The following AZGP1 variants were observed in gnomAD, a reference collection of about 807,000 sequenced individuals.
The protein encoded by AZGP1 is alpha-2-glycoprotein 1, zinc-binding, also known as zinc-alpha-2-glycoprotein.
AZGP1 carries 28 observed loss-of-function variants against 31.5 expected under a neutral mutation model. The observed-to-expected ratio is 0.89, with a 90% CI of 0.66 to 1.22. The LOEUF is 1.22. Among genes scored for constraint, AZGP1 ranks in the 50% most tolerant of loss-of-function variants. The pLI is 0.00. For synonymous variants in AZGP1, 135 were observed against 145.4 expected (o/e 0.93, Z 0.51); for missense variants, 361 against 371.8 (o/e 0.97, Z 0.24).
chr7:99,968,479 T>G (rs1212161310), intron 2 of AZGP1, 49 bp from the exon 3 acceptor site: 6 of 1,589,216 alleles, frequency 3.8e-6, no homozygotes, highest in Non-Finnish European at 5.1e-6. Context: ...TGGTGAGAAA[T>G]TTATCAAAAT....
intron 2 of AZGP1, among the ~76,000 whole-genome samples, chr7:99,968,933 A>G (rs1789537124): frequency 8.2e-6 from 1 of 121,280 alleles, no homozygotes; most frequent in African/African-American, 3.2e-5. Context: ...ACTGCATTTC[A>G]GCCTGGGTGA....
chr7:99,970,809 T>C (rs1247722209), intron 2 of AZGP1, among the ~76,000 whole-genome samples: 1 of 152,214 alleles, frequency 6.6e-6, no homozygotes, highest in Non-Finnish European at 1.5e-5. Flanking sequence ...TTGGGCATTT[T>C]TGTACTTAGT....
At chr7:99,972,907 G>A (rs1280593825) in intron 1 of AZGP1, among the ~76,000 whole-genome samples, 1 of 152,182 alleles carries the variant, frequency 6.6e-6, no homozygotes, top group Non-Finnish European at 1.5e-5. Context: ...CACGAGGTCA[G>A]GAGATCGAGA....
chr7:99,974,279 T>C, intron 1 of AZGP1, among the ~76,000 whole-genome samples: 1 of 151,570 alleles, frequency 6.6e-6, no homozygotes, highest in Non-Finnish European at 1.5e-5. Flanking sequence ...ATAATTTAAT[T>C]GTACACTTTT....
In AZGP1 at chr7:99,971,755, C is replaced by T. The variant is rs375716148; in HGVS notation, c.328G>A (p.Asp110Asn). ...TCTGTTATTCACTGACCGTTACTGTCGTTGTAATACTCCACGATGTCTTTC... is the reference window on the plus strand; with the variant it reads ...TCTGTTATTCACTGACCGTTACTGTTGTTGTAATACTCCACGATGTCTTTC... The part of the protein sequence containing the change: ...TLKDIVEYYN[D>N]SNGSHVLQGR... Residue 110 changes from aspartate to asparagine, a missense_variant, in exon 2 of 4, where the codon GAC becomes AAC. Asp to Asn is a conservative substitution (Grantham distance 23). Coordinates refer to ENST00000292401, the MANE Select transcript of AZGP1 (RefSeq NM_001185.4). The T allele has an allele frequency of 1.2e-4, 187 of 1,613,686 alleles. No homozygotes were observed. Among genetic ancestry groups the T allele is most frequent in the Non-Finnish European group, 1.5e-4 (178 of 1,179,872 alleles).
intron 2 of AZGP1, 38 bp from the exon 3 acceptor site, chr7:99,968,468 C>G: frequency 6.3e-7 from 1 of 1,595,150 alleles, no homozygotes; most frequent in Non-Finnish European, 8.5e-7. Context: ...GACAGTCAGC[C>G]TGGTGAGAAA....
rs1483279197 is a variant in AZGP1 at position 99,967,105 on chromosome 7, C to T, written c.795G>A (p.Trp265Ter). The change falls in exon 4 of 4, where the codon TGG (tryptophan) becomes TGA (stop). Residue 265 changes from tryptophan to a stop codon, truncating the protein, a stop_gained. Transcript: ENST00000292401. LOFTEE classifies it high-confidence loss of function. ...LHNGNGTYQS[W>*]VVVAVPPQDT... is the part of the protein sequence containing the mutation. ...CCTGCGGGGGCACTGCCACCACCACCCAGGACTGGTAAGTGCCATTTCCAT... is the reference window on the plus strand; with the variant it reads ...CCTGCGGGGGCACTGCCACCACCACTCAGGACTGGTAAGTGCCATTTCCAT... The T allele has an allele frequency of 1.2e-6, 2 of 1,614,198 alleles. No homozygotes were observed. The highest frequency in any genetic ancestry group is 1.1e-5 in the South Asian group (1 of 91,092).
intron 1 of AZGP1, among the ~76,000 whole-genome samples, chr7:99,973,773 G>A (rs1024618174): frequency 6.6e-6 from 1 of 151,452 alleles, no homozygotes; most frequent in African/African-American, 2.4e-5. Context: ...TAAATTAGCC[G>A]GGCGTGGTGG....
Position 99,971,800 on chromosome 7 carries a change from C to A in AZGP1, c.283G>T (p.Asp95Tyr), listed in dbSNP as rs1469119225. Residue 95 changes from aspartate to tyrosine, a missense_variant, in exon 2 of 4, where the codon GAC becomes TAC. By Grantham distance (160) the Asp-to-Tyr change is radical. Coordinates refer to ENST00000292401, the MANE Select transcript of AZGP1 (RefSeq NM_001185.4). Reference protein sequence around the residue: ...QDSQLQKAREDIFMETLKDIV... With the variant: ...QDSQLQKAREYIFMETLKDIV... ...TCTTTCAGGGTCTCCATAAAGATGT[C>A]CTCCCTGGCCTTCTGAAGTTGGCTG... 4 of 1,613,944 alleles carry A rather than the reference C, an allele frequency of 2.5e-6. No individual in the cohort carries two copies. The African/African-American group carries it at 5.3e-5, about 22-fold the overall frequency.
At position 99,968,287 on chromosome 7, in the gene AZGP1, C is replaced by T; in HGVS notation, c.481G>A (p.Ala161Thr). ...TCCCACTTCTGCTTGGTTATCTGGG[C>T]TGCTGGGTCGAAGGGGACCCAGGCT... ...IPAWVPFDPA[A>T]QITKQKWEAE... is the part of the protein sequence containing the mutation. Residue 161 changes from alanine (A) to threonine (T), a missense_variant, in exon 3 of 4, where the codon GCC (alanine) becomes ACC (threonine). Transcript: ENST00000292401. The T allele has an allele frequency of 6.2e-7, 1 of 1,613,762 alleles. No individual in the cohort carries two copies.
intron 1 of AZGP1, among the ~76,000 whole-genome samples, chr7:99,975,226 C>A (rs1789641148): frequency 1.3e-5 from 2 of 151,812 alleles, no homozygotes; most frequent in African/African-American, 2.4e-5. Flanking sequence ...CAGATTTTGG[C>A]ACAGAATCAG....
At chr7:99,970,220 G>C (rs1789555595) in intron 2 of AZGP1, among the ~76,000 whole-genome samples, 1 of 146,464 alleles carries the variant, frequency 6.8e-6, no homozygotes, top group Non-Finnish European at 1.5e-5. Context: ...GTAAATGTCA[G>C]CTACTATTAT....
chr7:99,968,573 T>C (rs1789529575), intron 2 of AZGP1, 143 bp from the exon 3 acceptor site: 5 of 1,041,848 alleles, frequency 4.8e-6, no homozygotes, highest in African/African-American at 3.2e-5. Context: ...TCAAGACAAA[T>C]AGGTTATTAC....
Position 99,968,396 on chromosome 7 carries a change from C to T in AZGP1, c.372G>A (p.Glu124=). 1 of 1,613,972 alleles carries T rather than the reference C, an allele frequency of 6.2e-7. No individual in the cohort carries two copies. The highest frequency in any genetic ancestry group is 1.3e-5 in the African/African-American group (1 of 74,954). ...SHVLQGRFGC[E]IENNRSSGAF... ...CTCCGCTGCTTCTGTTATTCTCGAT[C>T]TCACAACCAAACCTTCCCTGCAATA... Residue 124 remains glutamate, a synonymous_variant, in exon 3 of 4, where the codon GAG becomes GAA. Transcript: ENST00000292401.
rs1337738707 is a variant in AZGP1, at chr7:99,973,529, G to T, written c.77-1523C>A. Among the ~76,000 whole-genome samples the T allele has an allele frequency of 2.0e-5, 3 of 152,120 alleles. No homozygotes were observed. The East Asian group carries it at 5.8e-4, about 29-fold the overall frequency. ...CCAAAGGCTGGGAAGGGTAGTGGCA[G>T]GGTTGGGGGGAAATTGGGAGGGTGG... On this transcript the variant is annotated intron_variant, in intron 1 of 3. Transcript: ENST00000292401.
At position 99,971,691 on chromosome 7, in the gene AZGP1, G is replaced by C. The variant is rs181767555; in HGVS notation, c.337+55C>G. The C allele has an allele frequency of 3.4e-5, 54 of 1,570,316 alleles. No individual in the cohort carries two copies. In the East Asian group the frequency reaches 5.2e-4, roughly 15 times the overall value. ...TGCTGATCCCTTGCCACTCACACTG[G>C]GGGGGCTGCCTCTTGGGTTAGACCT... is the stretch of plus-strand genomic sequence containing the variant. On this transcript the variant is annotated intron_variant, in intron 2 of 3. Transcript: ENST00000292401.
intron 3 of AZGP1, 47 bp from the exon 4 acceptor site, chr7:99,967,333 C>A: frequency 6.3e-7 from 1 of 1,584,192 alleles, no homozygotes; most frequent in South Asian, 1.1e-5. Flanking sequence ...GTGGACTTCT[C>A]CCGGCCCAGG....
At chr7:99,975,199 G>C (rs992549506) in intron 1 of AZGP1, among the ~76,000 whole-genome samples, 3 of 151,504 alleles carry the variant, frequency 2.0e-5, no homozygotes, top group East Asian at 1.9e-4. Context: ...TGTTTCTCTG[G>C]AGAACCCTGA....
chr7:99,971,637 T>C (rs752933890), intron 2 of AZGP1, 109 bp downstream of exon 2: 10 of 1,365,310 alleles, frequency 7.3e-6, no homozygotes, highest in Middle Eastern at 2.6e-4. Context: ...TCTCCTGTTC[T>C]TCCCCTGGGA....
Sources: gnomAD v4.1 joint callset for allele counts (sites outside exome capture counted in the v4.1 genomes callset) on GRCh38, gnomAD v4.1.1 for gene constraint, MANE v1.5 for transcripts, NCBI Gene and HGNC (gene_info 2026-07-23, HGNC 2026-07-21) for gene names.